Variants in GABPB1 observed in about 807,000 individuals in gnomAD.
GABPB1 encodes GA-binding protein subunit beta-1.
In GABPB1, 15 loss-of-function variants were observed where a neutral mutation model predicts 45.9. The observed-to-expected ratio is 0.33, with a 90% CI of 0.22 to 0.50. GABPB1 has a LOEUF of 0.50. GABPB1 is among the 20% of genes least tolerant of loss of function. The pLI is 0.98. For missense variants in GABPB1, 252 were observed against 457.5 expected (o/e 0.55, Z 4.10); for synonymous variants, 143 against 154.4 (o/e 0.93, Z 0.55).
intron 1 of GABPB1, among the ~76,000 whole-genome samples, chr15:50,325,111 A>AT (rs2047703220): frequency 2.6e-5 from 4 of 152,086 alleles, no homozygotes; most frequent in African/African-American, 9.7e-5. Context: ...AAATTTTGTG[A>AT]TTTAAAAAAG....
intron 1 of GABPB1, chr15:50,352,462 G>A (rs921193380): frequency 6.6e-6 from 1 of 152,004 alleles, no homozygotes. Context: ...AGCCTCCCGA[G>A]TAGCTGGGAT....
intron 2 of GABPB1, among the ~76,000 whole-genome samples, chr15:50,307,385 TTGTC>T (rs2046984856): frequency 6.6e-6 from 1 of 152,220 alleles, no homozygotes; most frequent in Non-Finnish European, 1.5e-5. Flanking sequence ...TTCTATTGCC[TTGTC>T]TTTTTATTGC....
intron 8 of GABPB1, among the ~76,000 whole-genome samples, chr15:50,281,166 T>C (rs1481609066): frequency 6.6e-6 from 1 of 152,232 alleles, no homozygotes. Context: ...TAGCACTGCA[T>C]GCTGAATACA....
At position 50,284,987 on chromosome 15, in the gene GABPB1, C is replaced by T. The variant is rs74888473; in HGVS notation, c.999+1081G>A. 6.5e-3 allele frequency among the ~76,000 whole-genome samples: 985 copies of T among 152,116 alleles called. 10 individuals are homozygous for T. The highest frequency in any genetic ancestry group is 0.023 in the African/African-American group (944 of 41,496). On this transcript the variant is annotated intron_variant, in intron 8 of 8. Transcript: ENST00000380877. ...TTAACCAATAACCAGATTTTTTAAA[C>T]TCAATAATATATTTGTGGTGTGGTG...
intron 1 of GABPB1, among the ~76,000 whole-genome samples, chr15:50,340,887 C>CATATGGTTTATTACTATATGTA (rs1567545791): frequency 5.8e-5 from 1 of 17,140 alleles, no homozygotes; most frequent in Non-Finnish European, 1.1e-4. Flanking sequence ...TGTAATATTA[C>CATATGGTTTATTACTATATGTA]ATATTACATA....
At chr15:50,280,560 G>C (rs770034470) in intron 8 of GABPB1, among the ~76,000 whole-genome samples, 4 of 152,058 alleles carry the variant, frequency 2.6e-5, no homozygotes, top group Non-Finnish European at 5.9e-5. Flanking sequence ...AGACAAGCCT[G>C]GGCAACATGG....
In GABPB1 at chr15:50,277,362, G is replaced by T. The variant is rs2045853330; in HGVS notation, c.*1270C>A. The T allele has an allele frequency of 6.6e-6, 1 of 151,212 alleles. No homozygotes were observed. Among genetic ancestry groups the T allele is most frequent in the Admixed American group, 6.6e-5 (1 of 15,186 alleles). 9.4% of individuals were successfully genotyped at this position (151,212 alleles called of 1,614,324 possible). A position where few individuals can be genotyped will look rare whatever the true frequency, so the allele number is the denominator to read the frequency against. Reference sequence around the variant, plus strand: ...ATAGATAACCTAGAGGGATTTCAGGGTTAAACAGTTCATAAAGCAATAAAA... The same window carrying T: ...ATAGATAACCTAGAGGGATTTCAGGTTTAAACAGTTCATAAAGCAATAAAA... On this transcript the variant is annotated 3_prime_UTR_variant, in exon 9 of 9. Coordinates refer to ENST00000380877, the MANE Select transcript of GABPB1 (RefSeq NM_016654.5).
chr15:50,316,570 T>G (rs2047336392), intron 1 of GABPB1, among the ~76,000 whole-genome samples: 1 of 151,428 alleles, frequency 6.6e-6, no homozygotes, highest in Non-Finnish European at 1.5e-5. Flanking sequence ...CCTAAAGATT[T>G]TCTCCACTCC....
chr15:50,309,367 A>G (rs1166378050), intron 2 of GABPB1, among the ~76,000 whole-genome samples: 3 of 152,174 alleles, frequency 2.0e-5, no homozygotes, highest in African/African-American at 4.8e-5. Flanking sequence ...ATCTTTCTGA[A>G]TTATAAATTC....
chr15:50,307,428 G>C (rs2046985949), intron 2 of GABPB1, among the ~76,000 whole-genome samples: 1 of 152,022 alleles, frequency 6.6e-6, no homozygotes, highest in East Asian at 1.9e-4. Flanking sequence ...TATGTATTAT[G>C]GATACTAATC....
intron 7 of GABPB1, among the ~76,000 whole-genome samples, chr15:50,286,938 A>C (rs577238027): frequency 1.6e-4 from 25 of 152,334 alleles, no homozygotes; most frequent in Non-Finnish European, 3.1e-4. Context: ...TAATTGTTCC[A>C]CGGCCTTTAA....
intron 6 of GABPB1, among the ~76,000 whole-genome samples, chr15:50,292,207 G>A (rs1042153001): frequency 6.6e-6 from 1 of 150,756 alleles, no homozygotes; most frequent in Admixed American, 6.6e-5. Context: ...CCAGCTACTC[G>A]GGAGGCTGAG....
chr15:50,341,586 T>A (rs973015791), intron 1 of GABPB1, among the ~76,000 whole-genome samples: 3 of 152,098 alleles, frequency 2.0e-5, no homozygotes, highest in African/African-American at 7.2e-5. Flanking sequence ...TTCTACTTAA[T>A]AAACATAAGT....
intron 4 of GABPB1, among the ~76,000 whole-genome samples, chr15:50,301,827 T>C (rs566002057): frequency 2.6e-5 from 4 of 152,184 alleles, no homozygotes; most frequent in Non-Finnish European, 5.9e-5. Context: ...AGGAATTTAA[T>C]TATTTCTTCT....
intron 8 of GABPB1, chr15:50,282,347 C>T (rs1438202190): frequency 2.2e-6 from 1 of 450,642 alleles, no homozygotes; most frequent in Admixed American, 2.4e-5. Flanking sequence ...TCACTTGAGG[C>T]CAGGAGTCCA....
intron 5 of GABPB1, 108 bp downstream of exon 5, chr15:50,301,149 G>A (rs1389626545): frequency 9.8e-6 from 14 of 1,434,816 alleles, no homozygotes; most frequent in African/African-American, 2.9e-5. Flanking sequence ...TTCTCCAACC[G>A]TCCTTTCTTA....
intron 4 of GABPB1, among the ~76,000 whole-genome samples, chr15:50,301,653 T>C (rs546939094): frequency 9.2e-5 from 14 of 152,174 alleles, no homozygotes; most frequent in African/African-American, 3.1e-4. Flanking sequence ...TTAAGCTGGC[T>C]GAGGTGGCAG....
At chr15:50,313,153 C>A (rs1445304910) in intron 1 of GABPB1, among the ~76,000 whole-genome samples, 1 of 151,968 alleles carries the variant, frequency 6.6e-6, no homozygotes, top group African/African-American at 2.4e-5. Context: ...AAAGGTCTGA[C>A]TCAAAATGAA....
chr15:50,321,982 C>CA (rs34649125), intron 1 of GABPB1, among the ~76,000 whole-genome samples: 9,152 of 136,248 alleles, frequency 0.067, 766 homozygotes, highest in African/African-American at 0.2. Context: ...CAGATGTGAC[C>CA]AAAAAAAAAA....
Sources: allele counts gnomAD v4.1 joint callset (sites outside exome capture counted in the v4.1 genomes callset), GRCh38; gene constraint gnomAD v4.1.1; transcripts MANE v1.5; gene names NCBI Gene and HGNC (gene_info 2026-07-23, HGNC 2026-07-21).